Variants in RTN1 observed in about 807,000 individuals in gnomAD.
RTN1 encodes the protein reticulon 1, also known as reticulon-1.
A neutral mutation model predicts 65.5 loss-of-function variants in RTN1; 25 were observed. The observed-to-expected ratio is 0.38, with a 90% CI of 0.28 to 0.53. The LOEUF (loss-of-function observed/expected upper bound fraction) is 0.53, where lower values mean the gene tolerates loss of function less well. RTN1 is among the 20% of genes least tolerant of loss of function. RTN1 has a pLI of 0.79. For synonymous variants in RTN1, 471 were observed against 447.6 expected, an observed-to-expected ratio of 1.05 and a Z score of -0.66; for missense variants, 983 against 1,025.4, an observed-to-expected ratio of 0.96 and a Z score of 0.57.
chr14:59,858,864 T>G (rs1017425473), intron 1 of RTN1, among the ~76,000 whole-genome samples: 19 of 152,322 alleles, frequency 1.2e-4, no homozygotes, highest in African/African-American at 4.3e-4. Context: ...GAAACTAGAT[T>G]CAGTAAAAAA....
intron 3 of RTN1, among the ~76,000 whole-genome samples, chr14:59,645,664 G>A (rs150570773): frequency 1.8e-4 from 28 of 152,182 alleles, no homozygotes; most frequent in South Asian, 2.1e-4. Context: ...ATGGGGACCC[G>A]GCACTGGTCT....
chr14:59,629,213 C>T (rs1228089001), intron 3 of RTN1, among the ~76,000 whole-genome samples: 1 of 152,150 alleles, frequency 6.6e-6, no homozygotes, highest in South Asian at 2.1e-4. Context: ...ACGGTATTTC[C>T]AACACTCACA....
intron 3 of RTN1, among the ~76,000 whole-genome samples, chr14:59,696,808 A>C (rs112013636): frequency 1.1e-4 from 16 of 152,262 alleles, no homozygotes; most frequent in African/African-American, 3.6e-4. Flanking sequence ...ATAGGAAACA[A>C]TTTTTCAGAA....
rs771898598 is a variant in RTN1, at chr14:59,727,270, C to T, written c.1414G>A (p.Asp472Asn). 2 of 1,508,504 alleles carry T rather than the reference C, an allele frequency of 1.3e-6. No homozygotes were observed. The highest frequency in any genetic ancestry group is 8.9e-7 in the Non-Finnish European group (1 of 1,127,854). 93.4% of individuals were successfully genotyped at this position (1,508,504 alleles called of 1,614,324 possible). The change falls in exon 3 of 9, where the codon GAC becomes AAC. Residue 472 changes from aspartate (D) to asparagine (N), a missense_variant. Asp to Asn is a conservative substitution (Grantham distance 23). Transcript: ENST00000267484. This position sits in a 1 kb window ranked among gnomAD's most constrained non-coding sequence, Gnocchi z 4.2. Reference protein sequence around the residue: ...LDSELIIESCDASSASEESPK... With the variant: ...LDSELIIESCNASSASEESPK... The stretch of plus-strand genomic sequence containing the variant: ...CTCTCCTCCGAGGCCGAGGAGGCGT[C>T]GCACGACTCGATGATGAGCTCGCTG...
intron 2 of RTN1, among the ~76,000 whole-genome samples, chr14:59,732,745 C>A (rs950397084): frequency 6.6e-6 from 1 of 152,316 alleles, no homozygotes. Flanking sequence ...AACAAATATG[C>A]CTGCAACTTA....
chr14:59,809,339 A>C (rs11626159), intron 1 of RTN1, among the ~76,000 whole-genome samples: 13,135 of 151,826 alleles, frequency 0.087, 703 homozygotes, highest in South Asian at 0.14. Flanking sequence ...CATTCCATGC[A>C]TCCTAGATTA....
intron 3 of RTN1, among the ~76,000 whole-genome samples, chr14:59,646,704 T>C (rs1267475578): frequency 3.3e-5 from 5 of 152,076 alleles, no homozygotes; most frequent in African/African-American, 1.2e-4. Context: ...CCTTCCTCAG[T>C]GAAGAAGAAA....
At chr14:59,684,850 T>C (rs1346768435) in intron 3 of RTN1, among the ~76,000 whole-genome samples, 2 of 152,058 alleles carry the variant, frequency 1.3e-5, no homozygotes, top group Admixed American at 6.6e-5. Flanking sequence ...GAAATCATTC[T>C]GTACTGTCTT....
At chr14:59,618,118 G>C (rs1269522428) in intron 3 of RTN1, among the ~76,000 whole-genome samples, 2 of 152,148 alleles carry the variant, frequency 1.3e-5, no homozygotes, top group Admixed American at 6.5e-5. Context: ...ACTAACTTTG[G>C]AAGAAACTTA....
intron 3 of RTN1, among the ~76,000 whole-genome samples, chr14:59,668,625 C>T (rs903237445): frequency 2.0e-5 from 3 of 152,160 alleles, no homozygotes; most frequent in Non-Finnish European, 4.4e-5. Flanking sequence ...AACTAAAGAG[C>T]TTCTGCACGA....
chr14:59,668,976 G>C (rs1296582686), intron 3 of RTN1, among the ~76,000 whole-genome samples: 1 of 152,006 alleles, frequency 6.6e-6, no homozygotes, highest in Non-Finnish European at 1.5e-5. Context: ...AGAGGATGTG[G>C]AGTAACAGGC....
At chr14:59,864,308 C>T (rs550451812) in intron 1 of RTN1, among the ~76,000 whole-genome samples, 1 of 152,212 alleles carries the variant, frequency 6.6e-6, no homozygotes, top group South Asian at 2.1e-4. Context: ...ACACTCCCAC[C>T]CAGGGCCTTT....
chr14:59,755,995 C>G (rs1044100218), intron 1 of RTN1, among the ~76,000 whole-genome samples: 4 of 152,178 alleles, frequency 2.6e-5, no homozygotes, highest in African/African-American at 9.6e-5. Context: ...AAAAATGATT[C>G]AGCAATTTGT....
In RTN1 at chr14:59,836,286, G is replaced by A. The variant is rs1418538571; in HGVS notation, c.241+34104C>T. Among the ~76,000 whole-genome samples the A allele has an allele frequency of 6.6e-6, 1 of 152,192 alleles. No individual in the cohort carries two copies. The highest frequency in any genetic ancestry group is 1.9e-4 in the East Asian group (1 of 5,200). ...CCTACCACTGCAGTTAGCATTTTTG[G>A]ATTCACATGTGCCAGGCATGCTGCC... On this transcript the variant is annotated intron_variant, in intron 1 of 8. Transcript: ENST00000267484. This position sits in a 1 kb window ranked among gnomAD's most constrained non-coding sequence, Gnocchi z 4.9.
intron 2 of RTN1, among the ~76,000 whole-genome samples, chr14:59,731,709 C>G (rs904904013): frequency 6.6e-6 from 1 of 152,156 alleles, no homozygotes; most frequent in Non-Finnish European, 1.5e-5. Context: ...GAGTTCTCAT[C>G]TTATTTGTCT....
At position 59,740,288 on chromosome 14, in the gene RTN1, T is replaced by C. The variant is rs185489529; in HGVS notation, c.1015+5420A>G. On this transcript the variant is annotated intron_variant, in intron 2 of 8. Coordinates refer to ENST00000267484, the MANE Select transcript of RTN1 (RefSeq NM_021136.3). Reference sequence around the variant, plus strand: ...TACAACAGTGGCTCTTATTCAAGTGTGTAGCTCAAAACTGCCCTCAGAAAT... The same window carrying C: ...TACAACAGTGGCTCTTATTCAAGTGCGTAGCTCAAAACTGCCCTCAGAAAT... Among the ~76,000 whole-genome samples, 428 of 152,278 alleles carry C rather than the reference T, an allele frequency of 2.8e-3. 2 individuals carry two copies. The highest frequency in any genetic ancestry group is 9.3e-3 in the African/African-American group (388 of 41,548).
At chr14:59,713,484 ATAACTTGG>A (rs1315112645) in intron 3 of RTN1, among the ~76,000 whole-genome samples, 3 of 152,246 alleles carry the variant, frequency 2.0e-5, no homozygotes, top group Non-Finnish European at 4.4e-5. Flanking sequence ...AGTGTAACTC[ATAACTTGG>A]CATTCTGGTT....
intron 1 of RTN1, among the ~76,000 whole-genome samples, chr14:59,750,265 A>T (rs796484158): frequency 0.038 from 629 of 16,594 alleles, 9 homozygotes; most frequent in Middle Eastern, 0.12. Context: ...TAATATATAT[A>T]ATATCTATAA....
chr14:59,748,512 C>T (rs1217886367), intron 1 of RTN1, among the ~76,000 whole-genome samples: 1 of 152,072 alleles, frequency 6.6e-6, no homozygotes, highest in East Asian at 1.9e-4. Context: ...TCTCAAATTG[C>T]AACTTGCCTT....
Sources: allele counts gnomAD v4.1 joint callset (sites outside exome capture counted in the v4.1 genomes callset), GRCh38; gene constraint gnomAD v4.1.1; non-coding constraint Gnocchi (gnomAD v3.1); transcripts MANE v1.5; gene names NCBI Gene and HGNC (gene_info 2026-07-23, HGNC 2026-07-21).